TSHR: variants seen among roughly 807,000 people sequenced by gnomAD.
TSHR encodes thyroid stimulating hormone receptor.
TSHR carries 51 observed loss-of-function variants against 64.1 expected under a neutral mutation model. The observed-to-expected ratio is 0.80, with a 90% CI of 0.64 to 1.01. The LOEUF is 1.01. Ranked by LOEUF, TSHR falls within the 50% of genes least tolerant of loss-of-function variation. The probability of loss-of-function intolerance (pLI) is 0.00; values close to 1 mark genes in which losing one functional copy is unlikely to be tolerated. For synonymous variants in TSHR, 361 were observed against 361.9 expected, an observed-to-expected ratio of 1.00 and a Z score of 0.03; for missense variants, 877 against 942.8, an observed-to-expected ratio of 0.93 and a Z score of 0.91.
rs1891905818 is a variant in TSHR, at chr14:81,145,787, T to G, written c.*1434T>G. 4.3e-6 allele frequency: 1 copy of G among 232,934 alleles called. No homozygotes were observed. The highest frequency in any genetic ancestry group is 1.8e-4 in the South Asian group (1 of 5,538). The allele number at this position is 232,934 out of a possible 1,614,324, so 14.4% of individuals were successfully genotyped here. The stretch of plus-strand genomic sequence containing the variant: ...TCTTTACTTAAAATAGTCAGGATCT[T>G]TATCTACAGATGTACTCTCCAGGTT... On this transcript the variant is annotated 3_prime_UTR_variant, in exon 10 of 10. Coordinates refer to ENST00000298171, the MANE Select transcript of TSHR (RefSeq NM_000369.5).
Position 81,049,631 on chromosome 14 carries a change from A to G in TSHR, c.171-12517A>G, listed in dbSNP as rs141298531. 5.9e-5 allele frequency: 9 copies of G among 152,330 alleles called. No homozygotes were observed. In the East Asian group the frequency reaches 1.7e-3, roughly 29 times the overall value. The allele number at this position is 152,330 out of a possible 1,614,324, so 9.4% of individuals were successfully genotyped here. On this transcript the variant is annotated intron_variant, in intron 1 of 9. Coordinates refer to ENST00000298171, the MANE Select transcript of TSHR (RefSeq NM_000369.5). Reference sequence around the variant, plus strand: ...CATACCAAGTAAAAGCACTACACATATTAAATGGCAGTCCAAGGCTAGGTT... The same window carrying G: ...CATACCAAGTAAAAGCACTACACATGTTAAATGGCAGTCCAAGGCTAGGTT...
At chr14:81,046,600 G>T (rs1885179679) in intron 1 of TSHR, among the ~76,000 whole-genome samples, 1 of 151,754 alleles carries the variant, frequency 6.6e-6, no homozygotes, top group Non-Finnish European at 1.5e-5. Flanking sequence ...CGTAATTGGA[G>T]TTCCAGAAGG....
chr14:81,046,520 A>C (rs1476188199), intron 1 of TSHR, among the ~76,000 whole-genome samples: 4 of 151,940 alleles, frequency 2.6e-5, no homozygotes, highest in East Asian at 1.9e-4. Flanking sequence ...TAAAAAAAAA[A>C]CAAAAAAATT....
At chr14:80,995,336 T>TA (rs1419111778) in intron 1 of TSHR, 4 of 152,194 alleles carry the variant, frequency 2.6e-5, no homozygotes, top group African/African-American at 9.7e-5. Flanking sequence ...ACTGGATATA[T>TA]ACCCACAGGA....
intron 8 of TSHR, among the ~76,000 whole-genome samples, chr14:81,127,088 G>A (rs930766357): frequency 2.6e-5 from 4 of 152,234 alleles, no homozygotes; most frequent in African/African-American, 9.6e-5. Context: ...GCTAAATAAT[G>A]ACAGGTATAA....
intron 1 of TSHR, among the ~76,000 whole-genome samples, chr14:81,027,431 T>G (rs1280310357): frequency 1.3e-5 from 2 of 151,834 alleles, no homozygotes; most frequent in Non-Finnish European, 2.9e-5. Context: ...TTAAGGAACT[T>G]CAAAGAAAAA....
At chr14:81,099,528 T>A (rs1464154448) in intron 7 of TSHR, 1 of 152,152 alleles carries the variant, frequency 6.6e-6, no homozygotes, top group Non-Finnish European at 1.5e-5. Context: ...ATCTTGATCC[T>A]GAAAAGAATG....
intron 3 of TSHR, among the ~76,000 whole-genome samples, chr14:81,081,178 C>T (rs1887877054): frequency 6.6e-6 from 1 of 152,056 alleles, no homozygotes; most frequent in South Asian, 2.1e-4. Flanking sequence ...CATAGCATGA[C>T]CCTGACTTAT....
chr14:80,971,312 C>T (rs916504715), intron 1 of TSHR, among the ~76,000 whole-genome samples: 1 of 152,144 alleles, frequency 6.6e-6, no homozygotes, highest in East Asian at 1.9e-4. Context: ...TGATGATGTG[C>T]GTGATGTCCA....
chr14:81,066,424 A>G (rs970837194), intron 2 of TSHR, among the ~76,000 whole-genome samples: 2 of 152,184 alleles, frequency 1.3e-5, no homozygotes, highest in East Asian at 3.8e-4. Flanking sequence ...GTATCAAAAC[A>G]ATTTATATAA....
At chr14:81,120,509 G>A (rs984868258) in intron 8 of TSHR, among the ~76,000 whole-genome samples, 1 of 152,166 alleles carries the variant, frequency 6.6e-6, no homozygotes, top group African/African-American at 2.4e-5. Flanking sequence ...AAACACAACT[G>A]ATTTTTGTAG....
intron 1 of TSHR, among the ~76,000 whole-genome samples, chr14:81,060,831 G>A (rs1012959767): frequency 3.3e-5 from 5 of 152,046 alleles, no homozygotes; most frequent in African/African-American, 4.8e-5. Flanking sequence ...TTGTCTTTTT[G>A]CCAAGTTAAT....
intron 1 of TSHR, among the ~76,000 whole-genome samples, chr14:80,979,814 GT>G (rs1566746299): frequency 6.6e-6 from 1 of 152,034 alleles, no homozygotes; most frequent in African/African-American, 2.4e-5. Context: ...CATTTCATTT[GT>G]TTTCATCTGA....
chr14:81,115,819 A>G (rs1276025909), intron 8 of TSHR, among the ~76,000 whole-genome samples: 3 of 152,138 alleles, frequency 2.0e-5, no homozygotes, highest in African/African-American at 7.2e-5. Flanking sequence ...CCATCAGACT[A>G]ACAGTGGATC....
At chr14:81,115,090 C>A (rs796708871) in intron 8 of TSHR, among the ~76,000 whole-genome samples, 1 of 151,902 alleles carries the variant, frequency 6.6e-6, no homozygotes, top group Non-Finnish European at 1.5e-5. Context: ...AAAAACAGAA[C>A]AGAAAAACTG....
chr14:80,960,904 G>C (rs573779378), intron 1 of TSHR, among the ~76,000 whole-genome samples: 1 of 152,210 alleles, frequency 6.6e-6, no homozygotes, highest in African/African-American at 2.4e-5. Context: ...GGACATCTGC[G>C]GTCTTGTAGC....
chr14:81,038,046 T>A (rs142227962), intron 1 of TSHR, among the ~76,000 whole-genome samples: 1 of 151,976 alleles, frequency 6.6e-6, no homozygotes, highest in Non-Finnish European at 1.5e-5. Flanking sequence ...TTCTCAAAAG[T>A]ACATTGAATT....
intron 1 of TSHR, among the ~76,000 whole-genome samples, chr14:81,056,979 A>C (rs767858612): frequency 2.8e-4 from 43 of 152,252 alleles, no homozygotes; most frequent in Non-Finnish European, 5.3e-4. Flanking sequence ...GTCTATATGC[A>C]AATAGTCCCA....
chr14:81,068,597 T>C, intron 3 of TSHR: 3 of 432,136 alleles, frequency 6.9e-6, no homozygotes, highest in South Asian at 6.5e-5. Context: ...GCATATTTTA[T>C]TGATGTGAAT....
Sources: allele counts gnomAD v4.1 joint callset (sites outside exome capture counted in the v4.1 genomes callset), GRCh38; gene constraint gnomAD v4.1.1; transcripts MANE v1.5; gene names NCBI Gene and HGNC (gene_info 2026-07-23, HGNC 2026-07-21).